The following ABCA13 variants were observed in gnomAD, a reference collection of about 807,000 sequenced individuals.
ABCA13 encodes the protein ATP-binding cassette sub-family A member 13.
A neutral mutation model predicts 478.7 loss-of-function variants in ABCA13; 476 were observed. The observed-to-expected ratio is 0.99, with a 90% CI of 0.92 to 1.07. The LOEUF is 1.07. Ranked by LOEUF, ABCA13 falls within the 50% of genes least tolerant of loss-of-function variation. The pLI is 0.00. For missense variants in ABCA13, 6,060 were observed against 5,910.6 expected (o/e 1.03, Z -0.83); for synonymous variants, 2,252 against 2,158.9 (o/e 1.04, Z -1.20).
At chr7:48,177,835 G>A (rs1795093547) in intron 1 of ABCA13, among the ~76,000 whole-genome samples, 1 of 152,204 alleles carries the variant, frequency 6.6e-6, no homozygotes, top group African/African-American at 2.4e-5. Flanking sequence ...ATTAAATCGG[G>A]AGCCTGTGGG....
At chr7:48,291,361 A>G (rs1356872799) in intron 20 of ABCA13, among the ~76,000 whole-genome samples, 1 of 152,194 alleles carries the variant, frequency 6.6e-6, no homozygotes, top group Non-Finnish European at 1.5e-5. Context: ...CACACAATGC[A>G]GGGGTTCAGT....
chr7:48,608,126 C>G (rs1791656308), intron 58 of ABCA13, among the ~76,000 whole-genome samples: 1 of 152,162 alleles, frequency 6.6e-6, no homozygotes, highest in African/African-American at 2.4e-5. Flanking sequence ...GGTGATCCAC[C>G]CACCTCGGCT....
Position 48,274,349 on chromosome 7 carries a change from T to C in ABCA13, c.4683T>C (p.Ile1561=), listed in dbSNP as rs1322437805. Residue 1561 remains isoleucine, a synonymous_variant, in exon 17 of 62, where the codon ATT becomes ATC. Coordinates refer to ENST00000435803, the MANE Select transcript of ABCA13 (RefSeq NM_152701.5). ...GKEFQKLVKG[I]YFNILENNSS... ...AATTTCAGAAGCTTGTAAAAGGTAT[T>C]TACTTTAACATCCTGGAAAATAATT... 1 of 1,613,262 alleles carries C rather than the reference T, an allele frequency of 6.2e-7. No individual in the cohort carries two copies. The highest frequency in any genetic ancestry group is 8.5e-7 in the Non-Finnish European group (1 of 1,179,718).
intron 55 of ABCA13, among the ~76,000 whole-genome samples, chr7:48,577,658 A>C (rs1390803357): frequency 6.6e-6 from 1 of 152,204 alleles, no homozygotes; most frequent in Non-Finnish European, 1.5e-5. Context: ...TTTAAGAAAG[A>C]AATGATATCA....
intron 47 of ABCA13, among the ~76,000 whole-genome samples, chr7:48,486,525 C>G (rs62447291): frequency 0.049 from 7,208 of 147,826 alleles, 199 homozygotes; most frequent in South Asian, 0.12. Flanking sequence ...TTCCAGGCTT[C>G]TCAATTGTCT....
intron 31 of ABCA13, among the ~76,000 whole-genome samples, chr7:48,358,073 C>CAAAG (rs1810220462): frequency 6.6e-6 from 1 of 150,714 alleles, no homozygotes; most frequent in Non-Finnish European, 1.5e-5. Context: ...ACCCAGGAGG[C>CAAAG]AAAGGTTGTA....
chr7:48,288,104 A>G (rs1407171441), intron 20 of ABCA13, 26 bp downstream of exon 20: 1 of 1,596,238 alleles, frequency 6.3e-7, no homozygotes, highest in Non-Finnish European at 8.6e-7. Flanking sequence ...TATTTCAGAG[A>G]ATTTCATGTT....
intron 18 of ABCA13, among the ~76,000 whole-genome samples, chr7:48,280,985 T>A (rs1796950973): frequency 1.3e-5 from 2 of 152,194 alleles, no homozygotes; most frequent in Non-Finnish European, 2.9e-5. Context: ...TTATCTCAAA[T>A]TTTTCAGTTC....
At chr7:48,388,998 C>G (rs764967173) in intron 36 of ABCA13, 42 bp from the exon 37 acceptor site, 13 of 1,583,638 alleles carry the variant, frequency 8.2e-6, no homozygotes, top group Non-Finnish European at 7.7e-6. Context: ...ATTTTTAGGG[C>G]TTTTGAAGTC....
intron 57 of ABCA13, among the ~76,000 whole-genome samples, chr7:48,589,507 ACAAT>A (rs1307064221): frequency 1.3e-5 from 2 of 152,214 alleles, no homozygotes; most frequent in African/African-American, 2.4e-5. Context: ...TGTGTTGACT[ACAAT>A]CAAACTAATA....
chr7:48,232,242 T>A (rs1372278644), intron 7 of ABCA13, among the ~76,000 whole-genome samples: 4 of 148,416 alleles, frequency 2.7e-5, no homozygotes. Flanking sequence ...GGGAAGTATT[T>A]CTTATGCTGA....
intron 55 of ABCA13, among the ~76,000 whole-genome samples, chr7:48,553,913 A>AAGTAAT (rs1407343374): frequency 6.6e-6 from 1 of 151,742 alleles, no homozygotes; most frequent in South Asian, 2.1e-4. Flanking sequence ...GAGTTTTCCA[A>AAGTAAT]AGTAATAGTA....
chr7:48,185,449 A>G (rs962392868), intron 1 of ABCA13, among the ~76,000 whole-genome samples: 5 of 152,240 alleles, frequency 3.3e-5, no homozygotes, highest in African/African-American at 1.2e-4. Context: ...AGCAAGATCA[A>G]AGCAAATAAA....
chr7:48,350,460 G>A (rs1027244267), intron 29 of ABCA13, among the ~76,000 whole-genome samples, 183 bp from the exon 30 acceptor site: 12 of 151,994 alleles, frequency 7.9e-5, no homozygotes, highest in Non-Finnish European at 1.6e-4. Context: ...AAAGTGTAGA[G>A]TTTACACTCA....
At position 48,377,957 on chromosome 7, in the gene ABCA13, C is replaced by G. The variant is rs191930985; in HGVS notation, c.11335+1385C>G. ...ATGAAGATAAAATGTGTCCCGGGACCCAGAATGATCTGATTTCTCCCTCAA... is the reference window on the plus strand; with the variant it reads ...ATGAAGATAAAATGTGTCCCGGGACGCAGAATGATCTGATTTCTCCCTCAA... On this transcript the variant is annotated intron_variant, in intron 35 of 61. Coordinates refer to ENST00000435803, the MANE Select transcript of ABCA13 (RefSeq NM_152701.5). Among the ~76,000 whole-genome samples, 211 of 152,232 alleles carry G rather than the reference C, an allele frequency of 1.4e-3. 1 individual carries two copies. Among genetic ancestry groups the G allele is most frequent in the Middle Eastern group, 3.4e-3 (1 of 294 alleles).
At chr7:48,224,600 T>C (rs891708716) in intron 5 of ABCA13, among the ~76,000 whole-genome samples, 2 of 152,206 alleles carry the variant, frequency 1.3e-5, no homozygotes, top group African/African-American at 4.8e-5. Flanking sequence ...ATATGTTGTT[T>C]TTTTACCTTA....
chr7:48,389,247 C>T (rs199771485), intron 37 of ABCA13, 27 bp downstream of exon 37: 4 of 1,583,252 alleles, frequency 2.5e-6, no homozygotes, highest in African/African-American at 1.4e-5. Context: ...CCTTATCAAA[C>T]ACTGGGCATT....
chr7:48,388,013 GA>G, intron 36 of ABCA13, 54 bp downstream of exon 36: 1 of 1,562,708 alleles, frequency 6.4e-7, no homozygotes, highest in Non-Finnish European at 8.7e-7. Context: ...GATCCATTTT[GA>G]TTTTTTTTTG....
At chr7:48,316,158 T>C (rs897960198) in intron 26 of ABCA13, among the ~76,000 whole-genome samples, 21 of 152,282 alleles carry the variant, frequency 1.4e-4, no homozygotes, top group African/African-American at 4.6e-4. Context: ...TTAATTGAAA[T>C]CAACTAGCAT....
Sources: allele counts gnomAD v4.1 joint callset (sites outside exome capture counted in the v4.1 genomes callset), GRCh38; gene constraint gnomAD v4.1.1; transcripts MANE v1.5; gene names NCBI Gene and HGNC (gene_info 2026-07-23, HGNC 2026-07-21).